The following TARS3 variants were observed in gnomAD, a reference collection of about 807,000 sequenced individuals.
TARS3 encodes the protein threonyl-tRNA synthetase 3.
Under a neutral mutation model 103.5 loss-of-function variants are expected in TARS3, and 94 were observed. The ratio of observed to expected loss-of-function variants is 0.91; its 90% confidence interval spans 0.77 to 1.08. TARS3 has a LOEUF of 1.08. TARS3 is among the 50% of genes least tolerant of loss of function. The probability of loss-of-function intolerance (pLI) is 0.00; values close to 1 mark genes in which losing one functional copy is unlikely to be tolerated. For missense variants in TARS3, 952 were observed against 995.2 expected (o/e 0.96, Z 0.58); for synonymous variants, 416 against 355.4 (o/e 1.17, Z -1.92).
At chr15:101,711,833 A>C (rs760466702) in intron 5 of TARS3, 47 bp downstream of exon 5, 1 of 1,601,306 alleles carries the variant, frequency 6.2e-7, no homozygotes, top group African/African-American at 1.3e-5. Context: ...TTACAGAACA[A>C]TACAATTGAA....
chr15:101,693,072 G>A (rs1027746864), intron 10 of TARS3, among the ~76,000 whole-genome samples: 1 of 152,196 alleles, frequency 6.6e-6, no homozygotes, highest in African/African-American at 2.4e-5. Context: ...ACTGAGATGA[G>A]CTTTACAAAA....
rs528365290 is a variant in TARS3 at position 101,683,796 on chromosome 15, C to T, written c.1650+279G>A. Among the ~76,000 whole-genome samples, 21 of 152,164 alleles carry T rather than the reference C, an allele frequency of 1.4e-4. No individual in the cohort carries two copies. In the South Asian group the frequency reaches 1.7e-3, roughly 12 times the overall value. On this transcript the variant is annotated intron_variant, in intron 12 of 18. Transcript: ENST00000335968. ...GAAAAAGTAAATTTTAAGTTCTAGG[C>T]GATACTGAAAAACAAAACATCCAGA...
At chr15:101,669,287 AT>A (rs1897705403) in intron 15 of TARS3, among the ~76,000 whole-genome samples, 1 of 152,242 alleles carries the variant, frequency 6.6e-6, no homozygotes, top group Non-Finnish European at 1.5e-5. Context: ...GATAAAGAAA[AT>A]ATTTTTGTAC....
intron 12 of TARS3, among the ~76,000 whole-genome samples, chr15:101,678,381 CTTG>C (rs1286321625): frequency 2.0e-5 from 3 of 152,164 alleles, no homozygotes; most frequent in Non-Finnish European, 1.5e-5. Context: ...TTGTTTCCTT[CTTG>C]TTCTCTCTTG....
At chr15:101,707,195 G>GC (rs1899612264) in intron 6 of TARS3, among the ~76,000 whole-genome samples, 1 of 152,154 alleles carries the variant, frequency 6.6e-6, no homozygotes, top group Non-Finnish European at 1.5e-5. Context: ...ACAAGTGTTG[G>GC]CAAGGATGTG....
rs1897389433 is a variant in TARS3, at chr15:101,661,791, GTC to G, written c.1991_1992del (p.Arg664ThrfsTer46). 1 of 1,604,988 alleles carries G rather than the reference GTC, an allele frequency of 6.2e-7. No homozygotes were observed. The highest frequency in any genetic ancestry group is 1.7e-5 in the Admixed American group (1 of 58,854). On this transcript the variant is annotated frameshift_variant, in exon 16 of 19. Coordinates refer to ENST00000335968, the MANE Select transcript of TARS3 (RefSeq NM_152334.3). LOFTEE classifies it high-confidence loss of function. Reference sequence around the variant, plus strand: ...AAAATGGCTCGATGAATGATCACAGGTCTCTTCTTATCATCCCCATCCTTACT... The same window carrying G: ...AAAATGGCTCGATGAATGATCACAGGTCTTCTTATCATCCCCATCCTTACT... The part of the protein sequence containing the change: ...YVSKDGDDKK[R>X]PVIIHRAILG...
rs1898378222 is a variant in TARS3, at chr15:101,684,345, T to G, written c.1488-108A>C. 1.3e-5 allele frequency: 15 copies of G among 1,127,406 alleles called. No individual in the cohort carries two copies. In the South Asian group the frequency reaches 3.3e-4, roughly 25 times the overall value. The allele number at this position is 1,127,406 out of a possible 1,614,324, so 69.8% of individuals were successfully genotyped here. A position where few individuals can be genotyped will look rare whatever the true frequency, so the allele number is the denominator to read the frequency against. On this transcript the variant is annotated intron_variant, in intron 11 of 18. Transcript: ENST00000335968. Reference sequence around the variant, plus strand: ...AGCCTCAAGATTCATAAACTCCTTATTCTAGTTCTTAGATCACCAGGTTAA... The same window carrying G: ...AGCCTCAAGATTCATAAACTCCTTAGTCTAGTTCTTAGATCACCAGGTTAA...
chr15:101,680,376 T>C (rs549306290), intron 12 of TARS3, among the ~76,000 whole-genome samples: 62 of 152,344 alleles, frequency 4.1e-4, no homozygotes, highest in African/African-American at 1.4e-3. Flanking sequence ...TGGCCTGTTT[T>C]ATCGATGCCT....
chr15:101,711,206 T>A (rs1899850954), intron 5 of TARS3, among the ~76,000 whole-genome samples: 1 of 152,188 alleles, frequency 6.6e-6, no homozygotes, highest in Non-Finnish European at 1.5e-5. Flanking sequence ...CAAGATTAGA[T>A]AAATAGCATA....
chr15:101,695,268 TC>T (rs1219018083), intron 10 of TARS3, among the ~76,000 whole-genome samples: 1 of 152,146 alleles, frequency 6.6e-6, no homozygotes, highest in Non-Finnish European at 1.5e-5. Context: ...CTGGAGTCAA[TC>T]CCCTCTCCCC....
At chr15:101,723,228 G>T in intron 1 of TARS3, 64 bp from the exon 2 acceptor site, 1 of 1,478,816 alleles carries the variant, frequency 6.8e-7, no homozygotes, top group Non-Finnish European at 9.4e-7. Flanking sequence ...TTTAAGAAGA[G>T]AGTCATGCCA....
At position 101,653,649 on chromosome 15, in the gene TARS3, G is replaced by A. The variant is rs1897092305; in HGVS notation, c.*933C>T. On this transcript the variant is annotated 3_prime_UTR_variant, in exon 19 of 19. Coordinates refer to ENST00000335968, the MANE Select transcript of TARS3 (RefSeq NM_152334.3). ...CTGTTTCACTGTTCACATCCCTCAGGAAGTTAACTAAATGATCAGTATATT... is the reference window on the plus strand; with the variant it reads ...CTGTTTCACTGTTCACATCCCTCAGAAAGTTAACTAAATGATCAGTATATT... 6.6e-6 allele frequency: 1 copy of A among 152,214 alleles called. No individual in the cohort carries two copies. Among genetic ancestry groups the A allele is most frequent in the African/African-American group, 2.4e-5 (1 of 41,436 alleles). 9.4% of individuals were successfully genotyped at this position (152,214 alleles called of 1,614,324 possible).
chr15:101,689,592 G>A (rs577347735), intron 10 of TARS3, among the ~76,000 whole-genome samples: 20 of 152,152 alleles, frequency 1.3e-4, no homozygotes, highest in African/African-American at 4.1e-4. Context: ...AGAACATCAC[G>A]TGAAGACAGA....
intron 12 of TARS3, among the ~76,000 whole-genome samples, chr15:101,678,757 T>C (rs940953839): frequency 5.3e-5 from 8 of 152,212 alleles, no homozygotes; most frequent in Non-Finnish European, 1.0e-4. Context: ...CCTGTTTTTA[T>C]TTTCACAATC....
chr15:101,698,317 A>G (rs1353633235), intron 10 of TARS3, among the ~76,000 whole-genome samples: 1 of 152,214 alleles, frequency 6.6e-6, no homozygotes, highest in Non-Finnish European at 1.5e-5. Context: ...TGGGCGACAC[A>G]GCGAGACTCT....
At chr15:101,675,497 A>C in intron 13 of TARS3, 103 bp downstream of exon 13, 1 of 1,214,112 alleles carries the variant, frequency 8.2e-7, no homozygotes, top group Non-Finnish European at 1.2e-6. Context: ...TCCAGGTTCA[A>C]AATTTCTATT....
rs1423865787 is a variant in TARS3, at chr15:101,653,953, G to GA, written c.*628dup. On this transcript the variant is annotated 3_prime_UTR_variant, in exon 19 of 19. Transcript: ENST00000335968. ...GGAAACACTGATGCAATTCATTTGG[G>GA]AATTTATTTTTTTCTAAAGCGGAAC... 2.6e-5 allele frequency: 4 copies of GA among 152,314 alleles called. No individual in the cohort carries two copies. The East Asian group carries it at 7.7e-4, about 29-fold the overall frequency. The allele number at this position is 152,314 out of a possible 1,614,324, so 9.4% of individuals were successfully genotyped here. A position where few individuals can be genotyped will look rare whatever the true frequency, so the allele number is the denominator to read the frequency against.
chr15:101,718,762 C>G (rs1900295643), intron 3 of TARS3, among the ~76,000 whole-genome samples: 1 of 152,186 alleles, frequency 6.6e-6, no homozygotes, highest in Non-Finnish European at 1.5e-5. Flanking sequence ...AAGTCTCTAT[C>G]TAGAAGATTC....
chr15:101,723,278 G>GTGGTCAGGAGAGCCCA, intron 1 of TARS3, 114 bp from the exon 2 acceptor site: 1 of 869,322 alleles, frequency 1.2e-6, no homozygotes, highest in Non-Finnish European at 1.9e-6. Flanking sequence ...CTCATAGCTG[G>GTGGTCAGGAGAGCCCA]GCTCTCCTGA....
Sources: allele counts gnomAD v4.1 joint callset (sites outside exome capture counted in the v4.1 genomes callset), GRCh38; gene constraint gnomAD v4.1.1; transcripts MANE v1.5; gene names NCBI Gene and HGNC (gene_info 2026-07-23, HGNC 2026-07-21).